The following ALDH9A1 variants were observed in gnomAD, a reference collection of about 807,000 sequenced individuals.
ALDH9A1 encodes 4-trimethylaminobutyraldehyde dehydrogenase.
Under a neutral mutation model 56.6 loss-of-function variants are expected in ALDH9A1, and 42 were observed. The ratio of observed to expected loss-of-function variants is 0.74; its 90% CI spans 0.58 to 0.96. The LOEUF (loss-of-function observed/expected upper bound fraction) is 0.96. Ranked by LOEUF, ALDH9A1 falls within the 40% of genes least tolerant of loss-of-function variation. ALDH9A1 has a pLI of 0.00. For synonymous variants in ALDH9A1, 242 were observed against 236.0 expected, an observed-to-expected ratio of 1.03 and a Z score of -0.23; for missense variants, 661 against 651.5, an observed-to-expected ratio of 1.01 and a Z score of -0.16.
chr1:165,698,436 C>T lies in ALDH9A1; in HGVS notation c.123G>A (p.Gly41=). 1 of 1,606,326 alleles carries T rather than the reference C, an allele frequency of 6.2e-7. No individual in the cohort carries two copies. Among genetic ancestry groups the T allele is most frequent in the Non-Finnish European group, 8.5e-7 (1 of 1,177,064 alleles). Residue 41 remains glycine, a synonymous_variant, in exon 1 of 11, where the codon GGG becomes GGA. Coordinates refer to ENST00000354775, the MANE Select transcript of ALDH9A1 (RefSeq NM_000696.4). ...AGGCGTCCGCCGGCTCCACGCGGGC[C>T]CCGCCGCGGTAATTGAGCGGCTGCG... ...VVSQPLNYRG[G]ARVEPADASG...
intron 8 of ALDH9A1, 56 bp from the exon 9 acceptor site, chr1:165,667,506 A>AC: frequency 6.3e-7 from 1 of 1,582,132 alleles, no homozygotes; most frequent in Non-Finnish European, 8.6e-7. Context: ...GTGCACCACC[A>AC]CCCCCAGCTA....
chr1:165,693,303 T>C (rs1438011065), intron 2 of ALDH9A1, among the ~76,000 whole-genome samples: 1 of 152,170 alleles, frequency 6.6e-6, no homozygotes, highest in Non-Finnish European at 1.5e-5. Context: ...AGAAAATTTT[T>C]GTAATCTACC....
rs116923849 is a variant in ALDH9A1 at position 165,694,997 on chromosome 1, A to G, written c.327+255T>C. ...AAAAATAAAAAAAGGACGATGAGCT[A>G]TAAAGAGTGCATTATAATTCAAAAC... On this transcript the variant is annotated intron_variant, in intron 2 of 10. Transcript: ENST00000354775. Among the ~76,000 whole-genome samples, 82 of 152,158 alleles carry G rather than the reference A, an allele frequency of 5.4e-4. No individual in the cohort carries two copies. In the East Asian group the frequency reaches 0.013, roughly 24 times the overall value.
intron 2 of ALDH9A1, among the ~76,000 whole-genome samples, chr1:165,692,701 T>C (rs1032707986): frequency 6.6e-6 from 1 of 150,764 alleles, no homozygotes; most frequent in African/African-American, 2.5e-5. Flanking sequence ...CTTCACAGAA[T>C]TGGAAAAAAC....
intron 6 of ALDH9A1, among the ~76,000 whole-genome samples, chr1:165,677,269 G>A (rs1337992743): frequency 1.3e-5 from 2 of 152,124 alleles, no homozygotes; most frequent in Admixed American, 1.3e-4. Context: ...GAGGTGGGAG[G>A]ATTGTTTGAC....
chr1:165,689,281 T>C (rs1379679500), intron 2 of ALDH9A1, among the ~76,000 whole-genome samples: 1 of 152,166 alleles, frequency 6.6e-6, no homozygotes, highest in Non-Finnish European at 1.5e-5. Flanking sequence ...GACGAGTTGA[T>C]TGAATAGCAA....
In ALDH9A1 at chr1:165,669,321, G is replaced by A. The variant is rs772943924; in HGVS notation, c.1060C>T (p.Leu354Phe). Residue 354 changes from leucine (L) to phenylalanine (F), a missense_variant, in exon 7 of 11, where the codon CTC becomes TTC. Coordinates refer to ENST00000354775, the MANE Select transcript of ALDH9A1 (RefSeq NM_000696.4). ...PLLEDTRMGP[L>F]INRPHLERVL... ...CGCTCCAGGTGTGGTCGGTTGATGAGTGGACCCATCCTTGTATCTTCCAGA... is the reference window on the plus strand; with the variant it reads ...CGCTCCAGGTGTGGTCGGTTGATGAATGGACCCATCCTTGTATCTTCCAGA... 3.1e-5 allele frequency: 50 copies of A among 1,613,856 alleles called. No individual in the cohort carries two copies. The highest frequency in any genetic ancestry group is 4.2e-5 in the Non-Finnish European group (49 of 1,179,956).
chr1:165,675,873 T>TA (rs1166081996), intron 6 of ALDH9A1, among the ~76,000 whole-genome samples: 1 of 152,196 alleles, frequency 6.6e-6, no homozygotes, highest in Non-Finnish European at 1.5e-5. Flanking sequence ...TTCTGAGCTC[T>TA]AATTAGAAGG....
chr1:165,683,613 T>C (rs1436450168), intron 2 of ALDH9A1, among the ~76,000 whole-genome samples: 1 of 152,252 alleles, frequency 6.6e-6, no homozygotes, highest in Non-Finnish European at 1.5e-5. Flanking sequence ...ATACAAAATA[T>C]TCTAACACAC....
At chr1:165,684,292 AT>A (rs747325573) in intron 2 of ALDH9A1, among the ~76,000 whole-genome samples, 5 of 152,198 alleles carry the variant, frequency 3.3e-5, no homozygotes, top group Non-Finnish European at 7.3e-5. Context: ...AAGTCAGCAC[AT>A]TTTAAATCAA....
At chr1:165,671,382 C>T in intron 6 of ALDH9A1, 1 of 453,084 alleles carries the variant, frequency 2.2e-6, no homozygotes, top group Admixed American at 2.4e-5. Context: ...CATGAAGGAG[C>T]AGATTTAAAA....
At chr1:165,678,400 A>G (rs2101745421) in intron 6 of ALDH9A1, among the ~76,000 whole-genome samples, 1 of 152,312 alleles carries the variant, frequency 6.6e-6, no homozygotes, top group Admixed American at 6.5e-5. Context: ...GGATTATAAC[A>G]CATAGAATGA....
At chr1:165,691,342 T>C (rs896262843) in intron 2 of ALDH9A1, among the ~76,000 whole-genome samples, 12 of 152,160 alleles carry the variant, frequency 7.9e-5, no homozygotes, top group East Asian at 5.8e-4. Context: ...AGCATCAACA[T>C]CAACAAAAAG....
chr1:165,665,101 G>C lies in ALDH9A1; in HGVS notation c.1379C>G (p.Ala460Gly), dbSNP rs112076106. Reference sequence around the variant, plus strand: ...GAAGCACGTCCCAGCCTGAAGCTCAGCTACCACTCTATGAGCCCGTTGGAT... The same window carrying C: ...GAAGCACGTCCCAGCCTGAAGCTCACCTACCACTCTATGAGCCCGTTGGAT... ...RDIQRAHRVV[A>G]ELQAGTCFIN... The change falls in exon 10 of 11, where the codon GCT becomes GGT. Residue 460 changes from alanine (A) to glycine (G), a missense_variant. Coordinates refer to ENST00000354775, the MANE Select transcript of ALDH9A1 (RefSeq NM_000696.4). The C allele has an allele frequency of 6.2e-7, 1 of 1,613,716 alleles. No homozygotes were observed. The highest frequency in any genetic ancestry group is 1.3e-5 in the African/African-American group (1 of 74,930).
intron 5 of ALDH9A1, among the ~76,000 whole-genome samples, chr1:165,679,794 T>C (rs1272862187): frequency 2.0e-5 from 3 of 151,938 alleles, no homozygotes; most frequent in African/African-American, 7.3e-5. Flanking sequence ...GAAGAGGGAG[T>C]TCATTTAAAA....
intron 9 of ALDH9A1, among the ~76,000 whole-genome samples, chr1:165,666,118 CATT>C (rs1276221522): frequency 2.6e-5 from 4 of 152,096 alleles, no homozygotes; most frequent in African/African-American, 7.2e-5. Context: ...ACCTTGAAAA[CATT>C]ATGCTAAGTG....
At chr1:165,695,490 T>TA in intron 1 of ALDH9A1, 93 bp from the exon 2 acceptor site, 1 of 523,792 alleles carries the variant, frequency 1.9e-6, no homozygotes. Flanking sequence ...TAGTAGTCTT[T>TA]TTTTTTTTTT....
chr1:165,688,510 T>C (rs1456911025), intron 2 of ALDH9A1, among the ~76,000 whole-genome samples: 1 of 152,188 alleles, frequency 6.6e-6, no homozygotes, highest in African/African-American at 2.4e-5. Flanking sequence ...GCAATACTTT[T>C]TTTTAAATTC....
intron 6 of ALDH9A1, 124 bp from the exon 7 acceptor site, chr1:165,669,574 T>C (rs1649113544): frequency 2.2e-6 from 2 of 911,798 alleles, no homozygotes; most frequent in Non-Finnish European, 3.1e-6. Flanking sequence ...TAAAAGGATA[T>C]TTCCATTTCT....
Sources: gnomAD v4.1 joint callset for allele counts (sites outside exome capture counted in the v4.1 genomes callset) on GRCh38, gnomAD v4.1.1 for gene constraint, MANE v1.5 for transcripts, NCBI Gene and HGNC (gene_info 2026-07-23, HGNC 2026-07-21) for gene names.